NRG1: variants seen among roughly 807,000 people sequenced by gnomAD.
NRG1 encodes the protein neuregulin 1, also known as pro-neuregulin-1, membrane-bound isoform.
In NRG1, 18 loss-of-function variants were observed where a neutral mutation model predicts 63.8. The ratio of observed to expected loss-of-function variants is 0.28; its 90% CI spans 0.19 to 0.42. The LOEUF (loss-of-function observed/expected upper bound fraction) is 0.42, where lower values mean the gene tolerates loss of function less well. NRG1 is among the 10% of genes least tolerant of loss of function. The pLI, the probability that NRG1 is intolerant of heterozygous loss-of-function variation, is 1.00. For missense variants in NRG1, 762 were observed against 814.7 expected (o/e 0.94, Z 0.79); for synonymous variants, 302 against 301.3 (o/e 1.00, Z -0.02).
chr8:31,895,384 C>A (rs944878467), intron 1 of NRG1, among the ~76,000 whole-genome samples: 1 of 152,234 alleles, frequency 6.6e-6, no homozygotes. Context: ...GGCTTTCAGC[C>A]AGGAGAAGGG....
intron 1 of NRG1, among the ~76,000 whole-genome samples, chr8:31,941,505 C>A (rs886979258): frequency 6.6e-6 from 1 of 152,070 alleles, no homozygotes; most frequent in African/African-American, 2.4e-5. Flanking sequence ...CCCACTTTCA[C>A]CACTTCTATT....
intron 1 of NRG1, among the ~76,000 whole-genome samples, chr8:31,832,379 C>G (rs779383540): frequency 6.6e-6 from 1 of 151,882 alleles, no homozygotes; most frequent in African/African-American, 2.4e-5. Context: ...CCCACGTCAG[C>G]CTCCCGAGTA....
chr8:32,478,216 A>C (rs986330455), intron 1 of NRG1, among the ~76,000 whole-genome samples: 5 of 152,300 alleles, frequency 3.3e-5, no homozygotes, highest in African/African-American at 1.2e-4. Flanking sequence ...GCCAGGCTAG[A>C]ATTGGCCCTT....
chr8:32,585,501 C>T (rs1841445364), intron 1 of NRG1, among the ~76,000 whole-genome samples: 1 of 152,188 alleles, frequency 6.6e-6, no homozygotes, highest in African/African-American at 2.4e-5. Flanking sequence ...ATTGCCTTTA[C>T]ACCTCGAAAG....
intron 1 of NRG1, among the ~76,000 whole-genome samples, chr8:31,936,910 C>A (rs1271751974): frequency 6.6e-6 from 1 of 152,068 alleles, no homozygotes; most frequent in African/African-American, 2.4e-5. Flanking sequence ...CAAAGCTTAC[C>A]TTTTATGTTA....
chr8:32,253,312 A>G (rs1266872690), intron 1 of NRG1, among the ~76,000 whole-genome samples: 3 of 152,116 alleles, frequency 2.0e-5, no homozygotes, highest in Admixed American at 6.6e-5. Context: ...ATTCAGTATG[A>G]TATTGCCTGG....
At chr8:32,673,705 C>T (rs527560329) in intron 5 of NRG1, among the ~76,000 whole-genome samples, 7 of 152,132 alleles carry the variant, frequency 4.6e-5, no homozygotes, top group Non-Finnish European at 1.0e-4. Context: ...CTAGTGAATT[C>T]GTGCCTGCCT....
intron 1 of NRG1, among the ~76,000 whole-genome samples, chr8:31,938,326 C>A (rs923541982): frequency 3.3e-5 from 5 of 152,126 alleles, no homozygotes; most frequent in African/African-American, 7.2e-5. Context: ...TACAATTCAT[C>A]TCTCAGAAAG....
At chr8:31,813,516 C>CTTTTCTTTTTTT in intron 1 of NRG1, among the ~76,000 whole-genome samples, 14 of 101,216 alleles carry the variant, frequency 1.4e-4, no homozygotes, top group African/African-American at 3.7e-4. Context: ...CTTTTCTTTT[C>CTTTTCTTTTTTT]TTTTTTTTTT....
intron 1 of NRG1, among the ~76,000 whole-genome samples, chr8:32,192,432 C>G (rs1049053613): frequency 6.6e-6 from 1 of 152,056 alleles, no homozygotes; most frequent in South Asian, 2.1e-4. Flanking sequence ...AAATCATGTC[C>G]TTTGCAGCAA....
intron 1 of NRG1, among the ~76,000 whole-genome samples, chr8:32,448,719 T>C (rs980832026): frequency 6.6e-6 from 1 of 152,142 alleles, no homozygotes. Context: ...GTAGCTTTTA[T>C]GGTAGAGGTT....
intron 1 of NRG1, among the ~76,000 whole-genome samples, chr8:32,457,702 G>A (rs1409355191): frequency 6.6e-6 from 1 of 152,158 alleles, no homozygotes; most frequent in Non-Finnish European, 1.5e-5. Flanking sequence ...TTCAAAGTAA[G>A]AGGCTTCATT....
At position 32,699,530 on chromosome 8, in the gene NRG1, C is replaced by T. The variant is rs553556650; in HGVS notation, c.503-28419C>T. The stretch of plus-strand genomic sequence containing the variant: ...ACAGTTGTCCAGTTGTGTGAACCAT[C>T]TTTGAACTTAGTCAAATGCAGATGT... On this transcript the variant is annotated intron_variant, in intron 5 of 11. Transcript: ENST00000356819. Among the ~76,000 whole-genome samples the T allele has an allele frequency of 3.9e-5, 6 of 152,292 alleles. No individual in the cohort carries two copies. In the South Asian group the frequency reaches 1.2e-3, roughly 32 times the overall value.
At chr8:32,616,039 T>A (rs1847302243) in intron 4 of NRG1, among the ~76,000 whole-genome samples, 1 of 152,162 alleles carries the variant, frequency 6.6e-6, no homozygotes, top group Non-Finnish European at 1.5e-5. Context: ...TAACTATTAT[T>A]TCTTAATATG....
intron 1 of NRG1, among the ~76,000 whole-genome samples, chr8:31,805,355 A>G (rs1007109135): frequency 2.0e-5 from 3 of 152,052 alleles, no homozygotes; most frequent in African/African-American, 7.2e-5. Context: ...AGGATAAACA[A>G]GACCGTATCA....
chr8:32,652,487 C>T (rs1225143325), intron 5 of NRG1, among the ~76,000 whole-genome samples: 4 of 151,970 alleles, frequency 2.6e-5, no homozygotes, highest in Non-Finnish European at 4.4e-5. Flanking sequence ...ACTTCTTCTC[C>T]CCTTTCCTTC....
chr8:31,956,040 C>CA (rs11386219), intron 1 of NRG1, among the ~76,000 whole-genome samples: 90,720 of 128,054 alleles, frequency 0.71, 33,311 homozygotes, highest in Non-Finnish European at 0.81. Context: ...GAACCTGTCT[C>CA]AAAAAAAAAA....
intron 1 of NRG1, among the ~76,000 whole-genome samples, chr8:32,307,554 A>T (rs1368812947): frequency 6.7e-6 from 1 of 150,336 alleles, no homozygotes; most frequent in African/African-American, 2.5e-5. Context: ...ATCATTTCCC[A>T]CCCTGTGAAA....
At chr8:32,006,037 T>C (rs757481914) in intron 1 of NRG1, among the ~76,000 whole-genome samples, 2 of 151,986 alleles carry the variant, frequency 1.3e-5, no homozygotes, top group Non-Finnish European at 2.9e-5. Flanking sequence ...TCTGGAAACA[T>C]GGACAAAGAC....
Sources: allele counts gnomAD v4.1 joint callset (sites outside exome capture counted in the v4.1 genomes callset), GRCh38; gene constraint gnomAD v4.1.1; transcripts MANE v1.5; gene names NCBI Gene and HGNC (gene_info 2026-07-23, HGNC 2026-07-21).